Variants in KALRN observed in about 807,000 individuals in gnomAD.
The protein encoded by KALRN is kalirin.
In KALRN, 70 loss-of-function variants were observed where a neutral mutation model predicts 353.7. The observed-to-expected ratio is 0.20, with a 90% CI of 0.16 to 0.24. The LOEUF (loss-of-function observed/expected upper bound fraction) is 0.24. Among genes scored for constraint, KALRN ranks in the 10% least tolerant of loss-of-function variants. The probability of loss-of-function intolerance (pLI) is 1.00; values close to 1 mark genes in which losing one functional copy is unlikely to be tolerated. For synonymous variants in KALRN, 1,391 were observed against 1,434.8 expected (o/e 0.97, Z 0.69); for missense variants, 2,791 against 3,756.7 (o/e 0.74, Z 6.72).
rs61747979 is a variant in KALRN at position 124,455,215 on chromosome 3, C to T, written c.3591C>T (p.Ala1197=). ...KEKVKLLIQL[A]DSFVEKGHIH... is the part of the protein sequence containing the mutation. ...AGGTGAAGCTTCTGATTCAGCTGGC[C>T]GATAGCTTTGTGGAAAAAGGCCACA... Residue 1197 remains alanine, a synonymous_variant, in exon 22 of 60, where the codon GCC becomes GCT. Transcript: ENST00000682506. 5.5e-3 allele frequency: 8,958 copies of T among 1,614,056 alleles called. 384 individuals carry two copies. The African/African-American group carries it at 0.097, about 17-fold the overall frequency.
chr3:124,294,483 A>ACAC lies in KALRN; in HGVS notation c.970-4307_970-4305dup, dbSNP rs1291615998. ...TGGACATTTTGAACTCTAAAGCATC[A>ACAC]CACAATTGTCAGGGCTGAGACTAAG... On this transcript the variant is annotated intron_variant, in intron 5 of 59. Transcript: ENST00000682506. Among the ~76,000 whole-genome samples the ACAC allele has an allele frequency of 3.5e-4, 52 of 147,396 alleles. No individual in the cohort carries two copies. In the East Asian group the frequency reaches 8.3e-3, roughly 24 times the overall value.
chr3:124,300,481 T>G (rs960890206), intron 6 of KALRN, among the ~76,000 whole-genome samples: 14 of 152,216 alleles, frequency 9.2e-5, no homozygotes, highest in Non-Finnish European at 1.8e-4. Flanking sequence ...ATGCTGCCAG[T>G]CTTGCCAGGC....
chr3:124,672,097 C>G (rs1309052802), intron 48 of KALRN, among the ~76,000 whole-genome samples, 199 bp downstream of exon 48: 1 of 152,094 alleles, frequency 6.6e-6, no homozygotes, highest in Non-Finnish European at 1.5e-5. Context: ...CTACAGGCGC[C>G]CTACCATACC....
intron 1 of KALRN, among the ~76,000 whole-genome samples, chr3:124,189,845 A>T (rs2074684130): frequency 6.6e-6 from 1 of 150,774 alleles, no homozygotes; most frequent in Admixed American, 6.6e-5. Flanking sequence ...AGGCTGAGGC[A>T]GGAGAATCAC....
chr3:124,097,407 A>G (rs1476637965), intron 1 of KALRN, among the ~76,000 whole-genome samples: 1 of 152,216 alleles, frequency 6.6e-6, no homozygotes, highest in Non-Finnish European at 1.5e-5. Context: ...ATTTTATATC[A>G]TTTTGCCCTC....
chr3:124,188,225 ACT>A (rs1430487100), intron 1 of KALRN, among the ~76,000 whole-genome samples: 2 of 152,084 alleles, frequency 1.3e-5, no homozygotes, highest in African/African-American at 2.4e-5. Flanking sequence ...ACCACCAGAG[ACT>A]CTATTCAGTA....
At position 124,184,114 on chromosome 3, in the gene KALRN, G is replaced by A. The variant is rs369967563; in HGVS notation, c.74-43876G>A. Among the ~76,000 whole-genome samples the A allele has an allele frequency of 1.2e-4, 19 of 152,270 alleles. No homozygotes were observed. The East Asian group carries it at 2.9e-3, about 23-fold the overall frequency. Reference sequence around the variant, plus strand: ...AAGGTTGTTCCAATCTAGACAAACCGAACACAGGCATGGAGGCTGGAAAGA... The same window carrying A: ...AAGGTTGTTCCAATCTAGACAAACCAAACACAGGCATGGAGGCTGGAAAGA... On this transcript the variant is annotated intron_variant, in intron 1 of 59. Coordinates refer to ENST00000682506, the MANE Select transcript of KALRN (RefSeq NM_001388419.1).
chr3:124,662,515 A>T (rs1217957343), intron 45 of KALRN, among the ~76,000 whole-genome samples: 2 of 152,314 alleles, frequency 1.3e-5, no homozygotes, highest in East Asian at 3.9e-4. Flanking sequence ...TGTGAGTGAC[A>T]GCAGGGCTAT....
rs115627703 is a variant in KALRN, at chr3:124,470,799, G to C, written c.4032-3864G>C. On this transcript the variant is annotated intron_variant, in intron 25 of 59. Transcript: ENST00000682506. ...TTCCTTGAGACAAAGTCTGATACTC[G>C]CCCCAAAAGTGCTGCAAGCACAAAG... Among the ~76,000 whole-genome samples the C allele has an allele frequency of 2.0e-5, 3 of 152,206 alleles. No individual in the cohort carries two copies. The East Asian group carries it at 5.8e-4, about 29-fold the overall frequency.
intron 1 of KALRN, among the ~76,000 whole-genome samples, chr3:124,101,639 C>A (rs558951793): frequency 3.3e-5 from 5 of 152,276 alleles, no homozygotes; most frequent in African/African-American, 9.6e-5. Flanking sequence ...TGTCAGGGTA[C>A]CCTGATCTTT....
Position 124,689,453 on chromosome 3 carries a change from T to C in KALRN, c.7378-4351T>C, listed in dbSNP as rs12106990. Among the ~76,000 whole-genome samples, 904 of 152,256 alleles carry C rather than the reference T, an allele frequency of 5.9e-3. 8 individuals are homozygous for C. The highest frequency in any genetic ancestry group is 0.021 in the African/African-American group (871 of 41,550). On this transcript the variant is annotated intron_variant, in intron 51 of 59. Transcript: ENST00000682506. ...ACTAAGCTCAAGTGATCCTCCTGCC[T>C]CAGCCTCCCAAAGTACTGGGATTAC...
chr3:124,703,182 CCTT>C (rs1324860417), intron 57 of KALRN, among the ~76,000 whole-genome samples: 1 of 152,144 alleles, frequency 6.6e-6, no homozygotes, highest in Non-Finnish European at 1.5e-5. Context: ...CCAAAATGGT[CCTT>C]CTGCCTGTGT....
At chr3:124,616,294 G>C (rs1160242333) in intron 34 of KALRN, among the ~76,000 whole-genome samples, 1 of 152,150 alleles carries the variant, frequency 6.6e-6, no homozygotes, top group African/African-American at 2.4e-5. Flanking sequence ...TTTGGTTAAG[G>C]TTACTACTGA....
intron 33 of KALRN, among the ~76,000 whole-genome samples, chr3:124,559,506 A>G (rs2071679025): frequency 6.6e-6 from 1 of 152,112 alleles, no homozygotes; most frequent in African/African-American, 2.4e-5. Context: ...CCAGACAGGG[A>G]CTCGCTGCTG....
intron 6 of KALRN, among the ~76,000 whole-genome samples, chr3:124,302,844 C>A (rs1217735158): frequency 6.6e-6 from 1 of 152,000 alleles, no homozygotes; most frequent in Non-Finnish European, 1.5e-5. Flanking sequence ...AGCACACACC[C>A]TGGTATCTCT....
chr3:124,228,195 T>C, intron 2 of KALRN, 131 bp downstream of exon 2: 1 of 787,232 alleles, frequency 1.3e-6, no homozygotes, highest in South Asian at 1.5e-5. Flanking sequence ...GCAGCTGCTT[T>C]CTTTCTCCTG....
At chr3:124,462,761 A>G in intron 25 of KALRN, 128 bp downstream of exon 25, 1 of 602,228 alleles carries the variant, frequency 1.7e-6, no homozygotes, top group Non-Finnish European at 3.0e-6. Flanking sequence ...AGTTGCTGTC[A>G]GACTTCTTTT....
chr3:124,281,785 A>G (rs1482715130), intron 5 of KALRN, among the ~76,000 whole-genome samples: 1 of 152,224 alleles, frequency 6.6e-6, no homozygotes, highest in East Asian at 1.9e-4. Flanking sequence ...GGTTAGGACC[A>G]GTGTCTTCAA....
At chr3:124,313,517 G>C (rs149684356) in intron 6 of KALRN, among the ~76,000 whole-genome samples, 19 of 152,284 alleles carry the variant, frequency 1.2e-4, no homozygotes, top group African/African-American at 4.1e-4. Flanking sequence ...GATCTGCTCA[G>C]GATTAATTTA....
Sources: allele counts gnomAD v4.1 joint callset (sites outside exome capture counted in the v4.1 genomes callset), GRCh38; gene constraint gnomAD v4.1.1; transcripts MANE v1.5; gene names NCBI Gene and HGNC (gene_info 2026-07-23, HGNC 2026-07-21).